Variants in TTC28 observed in about 807,000 individuals in gnomAD.
The protein encoded by TTC28 is tetratricopeptide repeat domain 28, also known as tetratricopeptide repeat protein 28.
TTC28 carries 61 observed loss-of-function variants against 198.0 expected under a neutral mutation model. The ratio of observed to expected loss-of-function variants is 0.31; its 90% confidence interval spans 0.25 to 0.38. The LOEUF is 0.38. Ranked by LOEUF, TTC28 falls within the 10% of genes least tolerant of loss-of-function variation. The pLI is 1.00. For missense variants in TTC28, 2,678 were observed against 3,164.0 expected, an observed-to-expected ratio of 0.85 and a Z score of 3.69; for synonymous variants, 1,171 against 1,297.8, an observed-to-expected ratio of 0.90 and a Z score of 2.10.
In TTC28 at chr22:28,269,068, G is replaced by A. The variant is rs1197472645; in HGVS notation, c.933+27130C>T. Among the ~76,000 whole-genome samples the A allele has an allele frequency of 4.6e-5, 7 of 152,106 alleles. No individual in the cohort carries two copies. The East Asian group carries it at 1.4e-3, about 29-fold the overall frequency. Reference sequence around the variant, plus strand: ...ACCCAGCGGCCTTCTGGCAGCACTGGGCCTTCTAAAAGCTGTTCTCTGGCA... The same window carrying A: ...ACCCAGCGGCCTTCTGGCAGCACTGAGCCTTCTAAAAGCTGTTCTCTGGCA... On this transcript the variant is annotated intron_variant, in intron 5 of 22. Transcript: ENST00000397906.
chr22:28,435,937 G>GT (rs1373334695), intron 2 of TTC28, among the ~76,000 whole-genome samples: 2 of 152,134 alleles, frequency 1.3e-5, no homozygotes, highest in African/African-American at 4.8e-5. Context: ...ACAAATAACT[G>GT]TAACTTTCCC....
At chr22:28,539,313 T>G (rs1341012217) in intron 2 of TTC28, among the ~76,000 whole-genome samples, 6 of 151,986 alleles carry the variant, frequency 3.9e-5, no homozygotes. Flanking sequence ...AGATAAAGTG[T>G]CAGGAATAGA....
intron 2 of TTC28, among the ~76,000 whole-genome samples, chr22:28,498,232 A>G (rs1237547721): frequency 1.3e-5 from 2 of 152,154 alleles, no homozygotes; most frequent in African/African-American, 4.8e-5. Flanking sequence ...TCTTCCTTTA[A>G]TAAAACAACG....
rs567429204 is a variant in TTC28 at position 28,421,598 on chromosome 22, A to C, written c.382-114955T>G. 6.4e-4 allele frequency among the ~76,000 whole-genome samples: 97 copies of C among 152,266 alleles called. 1 individual carries two copies. Among genetic ancestry groups the C allele is most frequent in the Admixed American group, 5.2e-3 (79 of 15,294 alleles). ...TACCATTTATAGAAGAATTGATGAAATTTTGTGACTGTTTAAGACATTTAA... is the reference window on the plus strand; with the variant it reads ...TACCATTTATAGAAGAATTGATGAACTTTTGTGACTGTTTAAGACATTTAA... On this transcript the variant is annotated intron_variant, in intron 2 of 22. Transcript: ENST00000397906.
intron 2 of TTC28, among the ~76,000 whole-genome samples, chr22:28,523,255 TAGTC>T (rs2048943144): frequency 6.6e-6 from 1 of 152,202 alleles, no homozygotes; most frequent in Non-Finnish European, 1.5e-5. Context: ...CAGACATTCA[TAGTC>T]AGAGCAATAA....
intron 13 of TTC28, among the ~76,000 whole-genome samples, chr22:28,025,691 C>T (rs1938803336): frequency 6.6e-6 from 1 of 152,154 alleles, no homozygotes; most frequent in Non-Finnish European, 1.5e-5. Flanking sequence ...AAGCAAGACC[C>T]TGTTGCTACA....
chr22:28,413,674 A>T (rs994948655), intron 2 of TTC28, among the ~76,000 whole-genome samples: 7 of 152,120 alleles, frequency 4.6e-5, no homozygotes, highest in Non-Finnish European at 7.4e-5. Context: ...ATTTAAAAAC[A>T]CTCTGTCAAA....
At chr22:28,559,698 C>T (rs2049840316) in intron 2 of TTC28, among the ~76,000 whole-genome samples, 1 of 152,162 alleles carries the variant, frequency 6.6e-6, no homozygotes, top group Non-Finnish European at 1.5e-5. Flanking sequence ...CTTCACTTAG[C>T]TTCTAGGATA....
chr22:28,308,999 G>A (rs2045201781), intron 2 of TTC28, among the ~76,000 whole-genome samples: 1 of 152,152 alleles, frequency 6.6e-6, no homozygotes, highest in South Asian at 2.1e-4. Context: ...ATGTACAAAT[G>A]GCTGTTGAAT....
chr22:28,608,685 A>T (rs1273582453), intron 2 of TTC28, among the ~76,000 whole-genome samples: 2 of 152,154 alleles, frequency 1.3e-5, no homozygotes, highest in Admixed American at 1.3e-4. Context: ...ATGGGAAGTG[A>T]AGGCTAAGAG....
chr22:28,655,215 G>T (rs773400969), intron 1 of TTC28, among the ~76,000 whole-genome samples: 1 of 152,052 alleles, frequency 6.6e-6, no homozygotes, highest in Admixed American at 6.5e-5. Flanking sequence ...AAATAAACAT[G>T]GTCCCTACCC....
At chr22:28,270,973 T>C (rs5762541) in intron 5 of TTC28, among the ~76,000 whole-genome samples, 43,066 of 152,132 alleles carry the variant, frequency 0.28, 6,864 homozygotes, top group Middle Eastern at 0.37. Context: ...CATTCAATAG[T>C]GTATCCTCTG....
chr22:28,012,355 A>G (rs1938195591), intron 14 of TTC28, among the ~76,000 whole-genome samples: 1 of 152,206 alleles, frequency 6.6e-6, no homozygotes, highest in Non-Finnish European at 1.5e-5. Context: ...AAGAATGTGC[A>G]TGCAAGGATG....
chr22:28,509,900 C>G (rs1405197085), intron 2 of TTC28, among the ~76,000 whole-genome samples: 1 of 152,188 alleles, frequency 6.6e-6, no homozygotes, highest in Non-Finnish European at 1.5e-5. Context: ...ACAAACATTT[C>G]TATGCACATA....
intron 12 of TTC28, among the ~76,000 whole-genome samples, chr22:28,093,697 C>T (rs1299490040): frequency 6.6e-6 from 1 of 152,168 alleles, no homozygotes; most frequent in Non-Finnish European, 1.5e-5. Context: ...ATTACTCTCT[C>T]AAATAGGCGT....
At chr22:28,673,622 G>T (rs1005210215) in intron 1 of TTC28, among the ~76,000 whole-genome samples, 3 of 152,106 alleles carry the variant, frequency 2.0e-5, no homozygotes, top group African/African-American at 7.2e-5. Flanking sequence ...TAAGATTATT[G>T]TCCTCTAATG....
chr22:28,224,050 GTTGTCACGAC>G lies in TTC28; in HGVS notation c.934-60461_934-60452del, dbSNP rs1928096468. ...CTGGGAATGTCTGGAGACATGTTTAGTTGTCACGACTTGTGGTAGGAGAGTTGCTACTGGC... is the reference window on the plus strand; with the variant it reads ...CTGGGAATGTCTGGAGACATGTTTAGTTGTGGTAGGAGAGTTGCTACTGGC... On this transcript the variant is annotated intron_variant, in intron 5 of 22. Transcript: ENST00000397906. Among the ~76,000 whole-genome samples the G allele has an allele frequency of 4.6e-5, 7 of 152,322 alleles. No individual in the cohort carries two copies. The South Asian group carries it at 1.2e-3, about 27-fold the overall frequency.
At chr22:28,670,098 T>TG (rs34145718) in intron 1 of TTC28, among the ~76,000 whole-genome samples, 19,351 of 135,338 alleles carry the variant, frequency 0.14, 1,350 homozygotes, top group African/African-American at 0.19. Flanking sequence ...AAAATAAAAA[T>TG]GGGGGGGGGG....
intron 8 of TTC28, 65 bp from the exon 9 acceptor site, chr22:28,101,345 C>T: frequency 1.6e-6 from 2 of 1,279,788 alleles, no homozygotes; most frequent in South Asian, 2.7e-5. Flanking sequence ...CCTAAGGAGT[C>T]CTGAAGGGTC....
Sources: gnomAD v4.1 joint callset for allele counts (sites outside exome capture counted in the v4.1 genomes callset) on GRCh38, gnomAD v4.1.1 for gene constraint, MANE v1.5 for transcripts, NCBI Gene and HGNC (gene_info 2026-07-23, HGNC 2026-07-21) for gene names.